Variants in MTURN observed in about 807,000 individuals in gnomAD.
MTURN encodes maturin.
Under a neutral mutation model 14.9 loss-of-function variants are expected in MTURN, and 7 were observed. The observed-to-expected ratio is 0.47, with a 90% CI of 0.27 to 0.88. The LOEUF is 0.88. Ranked by LOEUF, MTURN falls within the 40% of genes least tolerant of loss-of-function variation. The pLI is 0.14. For missense variants in MTURN, 151 were observed against 174.1 expected, an observed-to-expected ratio of 0.87 and a Z score of 0.75; for synonymous variants, 69 against 72.5, an observed-to-expected ratio of 0.95 and a Z score of 0.25.
chr7:30,144,833 G>A (rs146960131), intron 1 of MTURN, among the ~76,000 whole-genome samples: 15 of 152,054 alleles, frequency 9.9e-5, no homozygotes, highest in African/African-American at 3.1e-4. Flanking sequence ...TGCTTGGCAT[G>A]GACCATGTCT....
rs1216184948 is a variant in MTURN at position 30,158,258 on chromosome 7, A to G, written c.*710A>G. The G allele has an allele frequency of 6.6e-6, 1 of 152,530 alleles. No individual in the cohort carries two copies. Among genetic ancestry groups the G allele is most frequent in the African/African-American group, 2.4e-5 (1 of 41,458 alleles). 9.4% of individuals were successfully genotyped at this position (152,530 alleles called of 1,614,324 possible). A position where few individuals can be genotyped will look rare whatever the true frequency, so the allele number is the denominator to read the frequency against. On this transcript the variant is annotated 3_prime_UTR_variant, in exon 3 of 3. Transcript: ENST00000324453. Reference sequence around the variant, plus strand: ...CCACTTTTGAAGTCTATAGTGGAAAATATAGATGGGGTGAAAGATATAATG... The same window carrying G: ...CCACTTTTGAAGTCTATAGTGGAAAGTATAGATGGGGTGAAAGATATAATG...
At chr7:30,157,398 T>C in intron 2 of MTURN, 40 bp from the exon 3 acceptor site, 3 of 1,516,492 alleles carry the variant, frequency 2.0e-6, no homozygotes, top group Non-Finnish European at 2.7e-6. Context: ...GTGGGCCATT[T>C]GGCGCTCACA....
At chr7:30,136,041 C>A (rs1367309631) in intron 1 of MTURN, among the ~76,000 whole-genome samples, 1 of 152,196 alleles carries the variant, frequency 6.6e-6, no homozygotes, top group African/African-American at 2.4e-5. Context: ...GCACGCCTCT[C>A]CCCCTGCCCC....
rs369223835 is a variant in MTURN at position 30,135,133 on chromosome 7, C to G, written c.-4C>G. 6 of 1,444,086 alleles carry G rather than the reference C, an allele frequency of 4.2e-6. No individual in the cohort carries two copies. The highest frequency in any genetic ancestry group is 1.5e-5 in the African/African-American group (1 of 66,822). 89.5% of individuals were successfully genotyped at this position (1,444,086 alleles called of 1,614,324 possible). On this transcript the variant is annotated 5_prime_UTR_variant, in exon 1 of 3. Transcript: ENST00000324453. Reference sequence around the variant, plus strand: ...CGGCGGCGGGAGGCGGGCGCGGGGCCGCGATGGATTTCCAGCAGCTGGCCG... The same window carrying G: ...CGGCGGCGGGAGGCGGGCGCGGGGCGGCGATGGATTTCCAGCAGCTGGCCG...
chr7:30,142,088 A>G (rs1214607496), intron 1 of MTURN, among the ~76,000 whole-genome samples: 1 of 152,226 alleles, frequency 6.6e-6, no homozygotes, highest in Non-Finnish European at 1.5e-5. Context: ...GGGTTGGACT[A>G]CTTTAATGAC....
chr7:30,153,203 T>C (rs1395489706), intron 2 of MTURN, among the ~76,000 whole-genome samples: 1 of 152,046 alleles, frequency 6.6e-6, no homozygotes, highest in South Asian at 2.1e-4. Flanking sequence ...TGTTGAAAAT[T>C]GGGATCCAGA....
In MTURN at chr7:30,162,482, T is replaced by C. The variant is rs1797389331; in HGVS notation, c.*4934T>C. The stretch of plus-strand genomic sequence containing the variant: ...CAAGGAATAGTTGTTGGGTTTTTGT[T>C]TTTTGGTTGTTGTTTTTTTTTTTTT... On this transcript the variant is annotated 3_prime_UTR_variant, in exon 3 of 3. Coordinates refer to ENST00000324453, the MANE Select transcript of MTURN (RefSeq NM_152793.3). 6.7e-6 allele frequency: 1 copy of C among 148,228 alleles called. No individual in the cohort carries two copies. Among genetic ancestry groups the C allele is most frequent in the African/African-American group, 2.6e-5 (1 of 38,242 alleles). 9.2% of individuals were successfully genotyped at this position (148,228 alleles called of 1,614,324 possible). A position where few individuals can be genotyped will look rare whatever the true frequency, so the allele number is the denominator to read the frequency against.
intron 2 of MTURN, among the ~76,000 whole-genome samples, chr7:30,152,866 C>T (rs565390355): frequency 6.6e-6 from 1 of 152,296 alleles, no homozygotes; most frequent in African/African-American, 2.4e-5. Flanking sequence ...GAGTTGGCAG[C>T]TCTGCCTTTC....
chr7:30,155,880 G>T (rs12539048), intron 2 of MTURN, among the ~76,000 whole-genome samples: 19,236 of 152,170 alleles, frequency 0.13, 1,339 homozygotes, highest in African/African-American at 0.17. Context: ...AGAGGAAGGG[G>T]GTGGCAGGAC....
At chr7:30,139,134 G>C (rs190785222) in intron 1 of MTURN, among the ~76,000 whole-genome samples, 1 of 152,168 alleles carries the variant, frequency 6.6e-6, no homozygotes, top group Admixed American at 6.5e-5. Flanking sequence ...CATACATGAT[G>C]GGTGCTCAGT....
At chr7:30,139,027 C>G (rs1286855188) in intron 1 of MTURN, among the ~76,000 whole-genome samples, 6 of 152,178 alleles carry the variant, frequency 3.9e-5, no homozygotes, top group African/African-American at 1.4e-4. Context: ...TTGGCATTCT[C>G]TTTTTGGTTT....
intron 1 of MTURN, among the ~76,000 whole-genome samples, chr7:30,140,407 G>GTATATATATATATA (rs1242302300): frequency 3.4e-4 from 9 of 26,778 alleles, no homozygotes; most frequent in African/African-American, 6.7e-4. Flanking sequence ...GTGTGTGTGT[G>GTATATATATATATA]TGTGTGTGTA....
chr7:30,161,131 A>G lies in MTURN; in HGVS notation c.*3583A>G, dbSNP rs1438132449. The G allele has an allele frequency of 1.3e-5, 2 of 152,678 alleles. No individual in the cohort carries two copies. The highest frequency in any genetic ancestry group is 4.8e-5 in the African/African-American group (2 of 41,464). The allele number at this position is 152,678 out of a possible 1,614,324, so 9.5% of individuals were successfully genotyped here. On this transcript the variant is annotated 3_prime_UTR_variant, in exon 3 of 3. Coordinates refer to ENST00000324453, the MANE Select transcript of MTURN (RefSeq NM_152793.3). Reference sequence around the variant, plus strand: ...GGTCCCAAGTGTCATTGGAATTTATATTTTAGGAATAGGCTTTGCATGTTA... The same window carrying G: ...GGTCCCAAGTGTCATTGGAATTTATGTTTTAGGAATAGGCTTTGCATGTTA...
intron 1 of MTURN, chr7:30,145,884 T>A (rs1409833662): frequency 1.3e-6 from 2 of 1,551,654 alleles, no homozygotes; most frequent in South Asian, 2.4e-5. Context: ...ACAGTGGAAA[T>A]CATTGGTGAG....
At chr7:30,139,132 A>C (rs886398737) in intron 1 of MTURN, among the ~76,000 whole-genome samples, 5 of 152,206 alleles carry the variant, frequency 3.3e-5, no homozygotes, top group African/African-American at 1.2e-4. Flanking sequence ...TCCATACATG[A>C]TGGGTGCTCA....
intron 1 of MTURN, among the ~76,000 whole-genome samples, chr7:30,143,042 C>G (rs1365452370): frequency 1.3e-5 from 2 of 152,196 alleles, no homozygotes; most frequent in African/African-American, 4.8e-5. Context: ...GGACTAAATC[C>G]TGTTCTCAGG....
At chr7:30,151,968 C>G (rs765032892) in intron 2 of MTURN, among the ~76,000 whole-genome samples, 1 of 152,096 alleles carries the variant, frequency 6.6e-6, no homozygotes, top group Non-Finnish European at 1.5e-5. Context: ...ATCCTGTGTC[C>G]CAGAAAAAGT....
chr7:30,145,313 C>T (rs116419963), intron 1 of MTURN, among the ~76,000 whole-genome samples: 23 of 152,134 alleles, frequency 1.5e-4, no homozygotes, highest in African/African-American at 4.6e-4. Flanking sequence ...GGCAACATGG[C>T]GAAACCCTGT....
rs556587762 is a variant in MTURN, at chr7:30,156,823, C to CAAAA, written c.286-606_286-603dup. On this transcript the variant is annotated intron_variant, in intron 2 of 2. Transcript: ENST00000324453. ...CTGGCAACAGAGCGAGACTCCCTCTCAAAAAAAAAAAACTCTGTCATAATA... is the reference window on the plus strand; with the variant it reads ...CTGGCAACAGAGCGAGACTCCCTCTCAAAAAAAAAAAAAAAACTCTGTCATAATA... Among the ~76,000 whole-genome samples the CAAAA allele has an allele frequency of 1.7e-4, 24 of 139,260 alleles. 1 individual carries two copies. Among genetic ancestry groups the CAAAA allele is most frequent in the South Asian group, 2.3e-4 (1 of 4,298 alleles). 91.4% of individuals were successfully genotyped at this position (139,260 alleles called of 152,430 possible).
Sources: allele counts gnomAD v4.1 joint callset (sites outside exome capture counted in the v4.1 genomes callset), GRCh38; gene constraint gnomAD v4.1.1; transcripts MANE v1.5; gene names NCBI Gene and HGNC (gene_info 2026-07-23, HGNC 2026-07-21).